SEPTIN10: variants seen among roughly 807,000 people sequenced by gnomAD.
The protein encoded by SEPTIN10 is septin-10.
A neutral mutation model predicts 54.8 loss-of-function variants in SEPTIN10; 66 were observed. The observed-to-expected ratio is 1.21, with a 90% CI of 0.99 to 1.48. The LOEUF (loss-of-function observed/expected upper bound fraction) is 1.48. Among genes scored for constraint, SEPTIN10 ranks in the 40% most tolerant of loss-of-function variants. SEPTIN10 has a pLI of 0.00. For synonymous variants in SEPTIN10, 161 were observed against 181.0 expected, an observed-to-expected ratio of 0.89 and a Z score of 0.89; for missense variants, 620 against 545.6, an observed-to-expected ratio of 1.14 and a Z score of -1.36.
chr2:109,556,527 C>G (rs1395114721), intron 8 of SEPTIN10, among the ~76,000 whole-genome samples: 1 of 152,120 alleles, frequency 6.6e-6, no homozygotes, highest in Admixed American at 6.5e-5. Context: ...AGGAACAGAT[C>G]CTAAACACTT....
chr2:109,572,364 A>C (rs1249434603), intron 5 of SEPTIN10, among the ~76,000 whole-genome samples: 1 of 152,068 alleles, frequency 6.6e-6, no homozygotes, highest in Non-Finnish European at 1.5e-5. Flanking sequence ...CGATCTCCTG[A>C]CCTTGTGACT....
At chr2:109,607,428 C>A (rs983330523) in intron 1 of SEPTIN10, among the ~76,000 whole-genome samples, 1 of 151,978 alleles carries the variant, frequency 6.6e-6, no homozygotes, top group African/African-American at 2.4e-5. Context: ...TCAATGGGGG[C>A]AGTACCTGTA....
At chr2:109,595,015 C>T (rs150990049) in intron 1 of SEPTIN10, 6,578 of 151,930 alleles carry the variant, frequency 0.043, 434 homozygotes, top group African/African-American at 0.15. Flanking sequence ...GCCTCCCGAG[C>T]AGCTGGGATT....
intron 1 of SEPTIN10, 108 bp downstream of exon 1, chr2:109,613,690 C>A: frequency 1.4e-6 from 1 of 735,120 alleles, no homozygotes; most frequent in Non-Finnish European, 1.8e-6. Context: ...CCGGAGGGGG[C>A]GCGGGTCACA....
intron 9 of SEPTIN10, 177 bp downstream of exon 9, chr2:109,552,910 C>A: frequency 1.5e-6 from 1 of 672,940 alleles, no homozygotes; most frequent in Non-Finnish European, 2.3e-6. Context: ...CCAAAGTTTT[C>A]ATTTAATTTC....
intron 2 of SEPTIN10, among the ~76,000 whole-genome samples, chr2:109,590,147 A>G (rs1693682013): frequency 6.6e-6 from 1 of 151,736 alleles, no homozygotes; most frequent in Admixed American, 6.6e-5. Context: ...AATATCTCGA[A>G]GGGTAATGAC....
intron 8 of SEPTIN10, among the ~76,000 whole-genome samples, chr2:109,555,373 C>T (rs558450945): frequency 6.6e-6 from 1 of 152,252 alleles, no homozygotes; most frequent in African/African-American, 2.4e-5. Context: ...CAGTTTGTGG[C>T]CACTGTCCAC....
chr2:109,556,191 A>C (rs917490809), intron 8 of SEPTIN10, among the ~76,000 whole-genome samples: 7 of 152,190 alleles, frequency 4.6e-5, no homozygotes, highest in Non-Finnish European at 8.8e-5. Flanking sequence ...CTATGTGTAG[A>C]ATTTTGGAGG....
intron 1 of SEPTIN10, among the ~76,000 whole-genome samples, chr2:109,596,193 G>A (rs1344032062): frequency 1.3e-5 from 2 of 152,118 alleles, no homozygotes; most frequent in East Asian, 1.9e-4. Flanking sequence ...CACCACACCC[G>A]GCTGAAAATC....
rs763799724 is a variant in SEPTIN10, at chr2:109,593,112, T to C, written c.38A>G (p.Gln13Arg). The C allele has an allele frequency of 6.3e-7, 1 of 1,596,238 alleles. No individual in the cohort carries two copies. The highest frequency in any genetic ancestry group is 2.3e-5 in the East Asian group (1 of 44,266). The change falls in exon 2 of 11, where the codon CAG becomes CGG. Residue 13 changes from glutamine (Q) to arginine (R), a missense_variant. Transcript: ENST00000397712. ...SSEVARHLLF[Q>R]SHMATKTTCM... ...AGTTGTTTTCGTTGCCATGTGAGAC[T>C]GAAAGAGCTAAAAAAGGAATACAAA...
rs533935465 is a variant in SEPTIN10, at chr2:109,613,362, T to C, written c.30+436A>G. On this transcript the variant is annotated intron_variant, in intron 1 of 10. Transcript: ENST00000397712. ...ACCATCGGATAAAACGGGAGAGCTTTTGAAAAGCCAGGGGAGCCGGGCTTT... is the reference window on the plus strand; with the variant it reads ...ACCATCGGATAAAACGGGAGAGCTTCTGAAAAGCCAGGGGAGCCGGGCTTT... The C allele has an allele frequency of 1.7e-5, 6 of 349,072 alleles. 1 individual carries two copies. Among genetic ancestry groups the C allele is most frequent in the South Asian group, 9.9e-5 (4 of 40,266 alleles). 21.6% of individuals were successfully genotyped at this position (349,072 alleles called of 1,614,324 possible).
At chr2:109,594,378 C>T (rs1694811655) in intron 1 of SEPTIN10, among the ~76,000 whole-genome samples, 1 of 152,174 alleles carries the variant, frequency 6.6e-6, no homozygotes, top group South Asian at 2.1e-4. Context: ...GCACCAGACC[C>T]TTACGCATCC....
rs765515150 is a variant in SEPTIN10, at chr2:109,585,716, C to A, written c.217+5G>T. 5 of 1,592,466 alleles carry A rather than the reference C, an allele frequency of 3.1e-6. No homozygotes were observed. Among genetic ancestry groups the A allele is most frequent in the African/African-American group, 1.3e-5 (1 of 74,492 alleles). On this transcript the variant is annotated splice_donor_5th_base_variant and intron_variant, in intron 3 of 10. Coordinates refer to ENST00000397712, the MANE Select transcript of SEPTIN10 (RefSeq NM_144710.5). Reference sequence around the variant, plus strand: ...CAACTTAGAGGAAGAGTAGGTGGCACGTACCCACACAGAGAATATTAAAGC... The same window carrying A: ...CAACTTAGAGGAAGAGTAGGTGGCAAGTACCCACACAGAGAATATTAAAGC...
In SEPTIN10 at chr2:109,544,255, T is replaced by C; in HGVS notation, c.*54A>G. On this transcript the variant is annotated 3_prime_UTR_variant, in exon 11 of 11. Transcript: ENST00000397712. ...AAAATCAAAGCACACTTCTAGTTTT[T>C]TTTTAATAAAGTTTGCTTGTGATGA... The C allele has an allele frequency of 1.2e-6, 2 of 1,613,090 alleles. No homozygotes were observed. The highest frequency in any genetic ancestry group is 1.7e-6 in the Non-Finnish European group (2 of 1,179,796).
At chr2:109,563,947 C>T (rs988876890) in intron 8 of SEPTIN10, among the ~76,000 whole-genome samples, 4 of 152,034 alleles carry the variant, frequency 2.6e-5, no homozygotes, top group Non-Finnish European at 5.9e-5. Flanking sequence ...ATAGTAAGAC[C>T]CTGTCTCTAC....
chr2:109,590,081 T>C (rs979364838), intron 2 of SEPTIN10, among the ~76,000 whole-genome samples: 3 of 149,322 alleles, frequency 2.0e-5, no homozygotes, highest in African/African-American at 5.0e-5. Flanking sequence ...CACATATATA[T>C]GTATATATAT....
chr2:109,559,911 C>CT (rs1185486244), intron 8 of SEPTIN10, among the ~76,000 whole-genome samples: 27,339 of 117,280 alleles, frequency 0.23, 4,348 homozygotes, highest in East Asian at 0.34. Flanking sequence ...CAACCAATGC[C>CT]TTTTTTTTTT....
Position 109,613,877 on chromosome 2 carries a change from C to A in SEPTIN10, c.-50G>T. 8.1e-7 allele frequency: 1 copy of A among 1,227,878 alleles called. No individual in the cohort carries two copies. The highest frequency in any genetic ancestry group is 3.2e-5 in the East Asian group (1 of 31,218). 76.1% of individuals were successfully genotyped at this position (1,227,878 alleles called of 1,614,324 possible). ...GCGGCTGTATCAGCCCGGCCCCGAG[C>A]GGCTGGTCCCGGCGACGGCGGCGGG... On this transcript the variant is annotated 5_prime_UTR_variant, in exon 1 of 11. Transcript: ENST00000397712.
chr2:109,585,157 C>T lies in SEPTIN10; in HGVS notation c.382G>A (p.Gly128Arg). 6.3e-7 allele frequency: 1 copy of T among 1,594,418 alleles called. No individual in the cohort carries two copies. Among genetic ancestry groups the T allele is most frequent in the East Asian group, 2.3e-5 (1 of 44,374 alleles). Residue 128 changes from glycine to arginine, a missense_variant, in exon 4 of 11, where the codon GGA becomes AGA. Coordinates refer to ENST00000397712, the MANE Select transcript of SEPTIN10 (RefSeq NM_144710.5). The part of the protein sequence containing the change: ...QLKLTIVNTV[G>R]FGDQINKEES... ...TCTTTATTTATTTGGTCACCAAATCCCACTGTATTCACAATGGTCAATTTC... is the reference window on the plus strand; with the variant it reads ...TCTTTATTTATTTGGTCACCAAATCTCACTGTATTCACAATGGTCAATTTC...
Sources: gnomAD v4.1 joint callset for allele counts (sites outside exome capture counted in the v4.1 genomes callset) on GRCh38, gnomAD v4.1.1 for gene constraint, MANE v1.5 for transcripts, NCBI Gene and HGNC (gene_info 2026-07-23, HGNC 2026-07-21) for gene names.